WDR27: variants seen among roughly 807,000 people sequenced by gnomAD.
The protein encoded by WDR27 is WD repeat-containing protein 27.
A neutral mutation model predicts 114.4 loss-of-function variants in WDR27; 100 were observed. The ratio of observed to expected loss-of-function variants is 0.87; its 90% CI spans 0.74 to 1.03. The LOEUF is 1.03. Ranked by LOEUF, WDR27 falls within the 50% of genes least tolerant of loss-of-function variation. The pLI, the probability that WDR27 is intolerant of heterozygous loss-of-function variation, is 0.00. For synonymous variants in WDR27, 449 were observed against 423.1 expected (o/e 1.06, Z -0.75); for missense variants, 1,129 against 1,092.9 (o/e 1.03, Z -0.47).
chr6:169,443,845 A>T, the WDR27 span, among the ~76,000 whole-genome samples: 1 of 152,156 alleles, frequency 6.6e-6, no homozygotes, highest in Admixed American at 6.5e-5. Context: ...TGAGTCCACA[A>T]AGCCTCCCAA....
chr6:169,529,320 G>C (rs1045839422), intron 25 of WDR27, among the ~76,000 whole-genome samples: 1 of 142,252 alleles, frequency 7.0e-6, no homozygotes, highest in African/African-American at 2.5e-5. Flanking sequence ...TGCGGGGGGG[G>C]GGGGCAGCTA....
At chr6:169,672,098 G>T in intron 3 of WDR27, 157 bp downstream of exon 3, 1 of 663,624 alleles carries the variant, frequency 1.5e-6, no homozygotes, top group South Asian at 2.8e-5. Context: ...CTGCTTGCAT[G>T]CCTGGGTTCA....
intron 21 of WDR27, among the ~76,000 whole-genome samples, chr6:169,624,192 A>G (rs1371751227): frequency 1.3e-5 from 2 of 149,178 alleles, no homozygotes; most frequent in Non-Finnish European, 3.0e-5. Context: ...GTGTGGCATC[A>G]GGTGTGCGGC....
chr6:169,678,718 C>T (rs181833002), intron 2 of WDR27, among the ~76,000 whole-genome samples: 1 of 152,308 alleles, frequency 6.6e-6, no homozygotes, highest in African/African-American at 2.4e-5. Context: ...TCGTGGCTGA[C>T]TTTCCAATCT....
intron 25 of WDR27, among the ~76,000 whole-genome samples, chr6:169,525,536 AAAAAAAAAAAAAAG>A (rs1352670626): frequency 3.4e-5 from 2 of 58,026 alleles, no homozygotes; most frequent in Middle Eastern, 8.8e-3. Context: ...ACTCCATCTC[AAAAAAAAAAAAAAG>A]AAAAAAGAAA....
At chr6:169,633,152 T>G in intron 20 of WDR27, 84 bp from the exon 21 acceptor site, 1 of 1,368,090 alleles carries the variant, frequency 7.3e-7, no homozygotes, top group Non-Finnish European at 9.6e-7. Context: ...TAATAAAAAC[T>G]TTGGAATATT....
chr6:169,667,769 C>G (rs1248616372), intron 5 of WDR27, among the ~76,000 whole-genome samples: 1 of 152,248 alleles, frequency 6.6e-6, no homozygotes, highest in African/African-American at 2.4e-5. Context: ...CAGAACCGTC[C>G]TGTCAGGAAT....
chr6:169,651,967 T>C lies in WDR27; in HGVS notation c.1444A>G (p.Ser482Gly), dbSNP rs747934669. ...VMKDQRLVFH[S>G]KVRSSGYASA... ...GCATAACCAGATGACCTAACTTTAC[T>C]ATGGAAAACCAGGCGTTGGTCCTTC... Residue 482 changes from serine (S) to glycine (G), a missense_variant, in exon 14 of 26, where the codon AGT becomes GGT. Ser to Gly is a moderately conservative substitution (Grantham distance 56). Transcript: ENST00000448612. 1 of 1,613,868 alleles carries C rather than the reference T, an allele frequency of 6.2e-7. No homozygotes were observed. Among genetic ancestry groups the C allele is most frequent in the Non-Finnish European group, 8.5e-7 (1 of 1,179,862 alleles).
intron 6 of WDR27, chr6:169,666,769 G>T (rs1482456099): frequency 4.0e-6 from 4 of 1,001,138 alleles, no homozygotes; most frequent in Non-Finnish European, 4.8e-6. Flanking sequence ...AGCTCACGCT[G>T]GATGGACAGG....
chr6:169,499,816 G>C (rs1369243693), intron 25 of WDR27, among the ~76,000 whole-genome samples: 1 of 152,250 alleles, frequency 6.6e-6, no homozygotes, highest in Non-Finnish European at 1.5e-5. Context: ...CAGGCAGCAG[G>C]AGGGTCCTGG....
chr6:169,486,482 T>TATTTC (rs113492770), intron 25 of WDR27, among the ~76,000 whole-genome samples: 21 of 152,112 alleles, frequency 1.4e-4, no homozygotes, highest in Middle Eastern at 3.4e-3. Context: ...GGGTTATTTA[T>TATTTC]ATTTCATTTC....
chr6:169,665,842 C>T (rs774087237), intron 6 of WDR27, among the ~76,000 whole-genome samples: 7 of 152,222 alleles, frequency 4.6e-5, no homozygotes, highest in African/African-American at 1.7e-4. Flanking sequence ...TCCCACCTCC[C>T]GACAGAAGGC....
chr6:169,629,687 G>C (rs1046287974), intron 21 of WDR27, among the ~76,000 whole-genome samples: 1 of 152,116 alleles, frequency 6.6e-6, no homozygotes, highest in African/African-American at 2.4e-5. Context: ...AGCACTTTGG[G>C]AGGCCGAGAC....
intron 13 of WDR27, among the ~76,000 whole-genome samples, chr6:169,654,243 A>G (rs867451117): frequency 6.6e-6 from 1 of 152,234 alleles, no homozygotes; most frequent in Non-Finnish European, 1.5e-5. Flanking sequence ...AAAATCAATC[A>G]TATACCTAAT....
chr6:169,669,025 T>C (rs1387929880), intron 4 of WDR27, among the ~76,000 whole-genome samples: 1 of 152,240 alleles, frequency 6.6e-6, no homozygotes, highest in East Asian at 1.9e-4. Context: ...TGTTATGAAA[T>C]ATACATTTCC....
At chr6:169,579,206 ACTTG>A (rs1328597445) in intron 24 of WDR27, among the ~76,000 whole-genome samples, 1 of 152,150 alleles carries the variant, frequency 6.6e-6, no homozygotes, top group African/African-American at 2.4e-5. Context: ...ATCAAGAAAA[ACTTG>A]CTTAAGTCAT....
At chr6:169,576,594 C>G (rs1802375210) in intron 24 of WDR27, among the ~76,000 whole-genome samples, 1 of 151,998 alleles carries the variant, frequency 6.6e-6, no homozygotes. Flanking sequence ...GACCCCATCT[C>G]TATTAAAAAT....
chr6:169,650,044 C>T (rs1477667525), intron 14 of WDR27, among the ~76,000 whole-genome samples: 2 of 148,418 alleles, frequency 1.3e-5, no homozygotes, highest in African/African-American at 2.5e-5. Context: ...CATCCCTCAT[C>T]TCCCCATCCC....
intron 22 of WDR27, among the ~76,000 whole-genome samples, chr6:169,610,802 C>A (rs917757991): frequency 1.2e-4 from 18 of 152,128 alleles, no homozygotes; most frequent in African/African-American, 4.1e-4. Flanking sequence ...AATGAAAAAC[C>A]TAATACCTTA....
Sources: gnomAD v4.1 joint callset for allele counts (sites outside exome capture counted in the v4.1 genomes callset) on GRCh38, gnomAD v4.1.1 for gene constraint, MANE v1.5 for transcripts, NCBI Gene and HGNC (gene_info 2026-07-23, HGNC 2026-07-21) for gene names.